Variants in SLC25A36 observed in about 807,000 individuals in gnomAD.
The protein encoded by SLC25A36 is solute carrier family 25 member 36.
SLC25A36 carries 24 observed loss-of-function variants against 35.3 expected under a neutral mutation model. The ratio of observed to expected loss-of-function variants is 0.68; its 90% CI spans 0.49 to 0.96. The LOEUF is 0.96. Among genes scored for constraint, SLC25A36 ranks in the 40% least tolerant of loss-of-function variants. SLC25A36 has a pLI of 0.00. For missense variants in SLC25A36, 294 were observed against 381.1 expected, an observed-to-expected ratio of 0.77 and a Z score of 1.90; for synonymous variants, 141 against 132.2, an observed-to-expected ratio of 1.07 and a Z score of -0.46.
chr3:140,946,613 A>G (rs1026421305), intron 1 of SLC25A36, among the ~76,000 whole-genome samples: 1 of 152,204 alleles, frequency 6.6e-6, no homozygotes, highest in Non-Finnish European at 1.5e-5. Flanking sequence ...GAAGGTAAAG[A>G]TAATAAGATT....
intron 6 of SLC25A36, among the ~76,000 whole-genome samples, chr3:140,975,097 C>CATTTTTTT (rs1935004292): frequency 1.8e-5 from 1 of 55,188 alleles, no homozygotes; most frequent in Non-Finnish European, 3.5e-5. Context: ...AAGATACATT[C>CATTTTTTT]TTTTTTTTTT....
rs1935085865 is a variant in SLC25A36, at chr3:140,977,768, A to ATT, written c.*1315_*1316insTT. 6.6e-6 allele frequency: 1 copy of ATT among 152,148 alleles called. No homozygotes were observed. Among genetic ancestry groups the ATT allele is most frequent in the Non-Finnish European group, 1.5e-5 (1 of 68,022 alleles). 9.4% of individuals were successfully genotyped at this position (152,148 alleles called of 1,614,324 possible). On this transcript the variant is annotated 3_prime_UTR_variant, in exon 7 of 7. Coordinates refer to ENST00000324194, the MANE Select transcript of SLC25A36 (RefSeq NM_001104647.3). Reference sequence around the variant, plus strand: ...TCGCCTATGCCATACTGGTGTATAAAAACTGCCGCAATTGGACGCCGGTGT... The same window carrying ATT: ...TCGCCTATGCCATACTGGTGTATAAATTAACTGCCGCAATTGGACGCCGGTGT...
At chr3:140,967,708 T>C (rs1269707651) in intron 4 of SLC25A36, among the ~76,000 whole-genome samples, 1 of 151,978 alleles carries the variant, frequency 6.6e-6, no homozygotes, top group Non-Finnish European at 1.5e-5. Context: ...CACTATCAAA[T>C]GGAATCTTAC....
intron 1 of SLC25A36, among the ~76,000 whole-genome samples, chr3:140,949,659 T>G (rs1934266401): frequency 1.3e-5 from 2 of 152,182 alleles, no homozygotes; most frequent in South Asian, 4.1e-4. Context: ...TTAACAGTGT[T>G]GTTAGATTCG....
At position 140,941,947 on chromosome 3, in the gene SLC25A36, C is replaced by A. The variant is rs1197396672; in HGVS notation, c.-108C>A. 5 of 627,132 alleles carry A rather than the reference C, an allele frequency of 8.0e-6. No individual in the cohort carries two copies. The highest frequency in any genetic ancestry group is 1.9e-5 in the African/African-American group (1 of 51,348). The allele number at this position is 627,132 out of a possible 1,614,324, so 38.8% of individuals were successfully genotyped here. Reference sequence around the variant, plus strand: ...CCGCATCTCGGCCAGCTCTCCTCGCCGTCCCCGGGGCGCTGTGCGTCTCCA... The same window carrying A: ...CCGCATCTCGGCCAGCTCTCCTCGCAGTCCCCGGGGCGCTGTGCGTCTCCA... On this transcript the variant is annotated 5_prime_UTR_variant, in exon 1 of 7. Transcript: ENST00000324194.
chr3:140,961,190 GA>G (rs144574269), intron 3 of SLC25A36, among the ~76,000 whole-genome samples: 11,363 of 150,964 alleles, frequency 0.075, 537 homozygotes, highest in East Asian at 0.17. Flanking sequence ...CAAGTTAAAA[GA>G]AAAAAAACAC....
Position 140,975,097 on chromosome 3 carries a change from C to CTTTTTTTTTTTTTTTTT in SLC25A36, c.742+1106_742+1122dup, listed in dbSNP as rs10662120. ...GTACAGTTGATAAACAAGATACATT[C>CTTTTTTTTTTTTTTTTT]TTTTTTTTTTTTTTTTTTTTTTTTT... On this transcript the variant is annotated intron_variant, in intron 6 of 6. Coordinates refer to ENST00000324194, the MANE Select transcript of SLC25A36 (RefSeq NM_001104647.3). 8.3e-4 allele frequency among the ~76,000 whole-genome samples: 46 copies of CTTTTTTTTTTTTTTTTT among 55,218 alleles called. 17 individuals are homozygous for CTTTTTTTTTTTTTTTTT. Among genetic ancestry groups the CTTTTTTTTTTTTTTTTT allele is most frequent in the South Asian group, 2.3e-3 (2 of 880 alleles). 36.2% of individuals were successfully genotyped at this position (55,218 alleles called of 152,430 possible).
At chr3:140,976,015 C>T in intron 6 of SLC25A36, among the ~76,000 whole-genome samples, 1 of 152,118 alleles carries the variant, frequency 6.6e-6, no homozygotes, top group East Asian at 1.9e-4. Context: ...TGATACTTCT[C>T]TCTTGTTATA....
chr3:140,946,102 C>A (rs1934156606), intron 1 of SLC25A36, among the ~76,000 whole-genome samples: 1 of 152,050 alleles, frequency 6.6e-6, no homozygotes, highest in African/African-American at 2.4e-5. Flanking sequence ...TGAAGAATAT[C>A]GACAACCGGA....
chr3:140,959,563 T>G, intron 3 of SLC25A36, 23 bp downstream of exon 3: 1 of 1,197,078 alleles, frequency 8.4e-7, no homozygotes, highest in South Asian at 1.8e-5. Flanking sequence ...AAAAATTGTT[T>G]AAAGCAAGTT....
chr3:140,963,689 T>C lies in SLC25A36; in HGVS notation c.385+462T>C, dbSNP rs1934689399. 1.9e-5 allele frequency: 3 copies of C among 154,732 alleles called. No individual in the cohort carries two copies. The South Asian group carries it at 6.0e-4, about 31-fold the overall frequency. 9.6% of individuals were successfully genotyped at this position (154,732 alleles called of 1,614,324 possible). Reference sequence around the variant, plus strand: ...CAAATGCTGAAATTTTTGTGAGTGATGTATTATTATTGACAATTCAGTTAC... The same window carrying C: ...CAAATGCTGAAATTTTTGTGAGTGACGTATTATTATTGACAATTCAGTTAC... On this transcript the variant is annotated intron_variant, in intron 4 of 6. Transcript: ENST00000324194.
rs944973831 is a variant in SLC25A36 at position 140,979,193 on chromosome 3, A to G, written c.*2740A>G. ...GAATTTGTAACTTTGAAGTCAGGAT[A>G]GAATATCATTAGATTATCTGTGAGA... On this transcript the variant is annotated 3_prime_UTR_variant, in exon 7 of 7. Transcript: ENST00000324194. The G allele has an allele frequency of 6.6e-6, 1 of 152,222 alleles. No homozygotes were observed. Among genetic ancestry groups the G allele is most frequent in the Non-Finnish European group, 1.5e-5 (1 of 68,026 alleles). The allele number at this position is 152,222 out of a possible 1,614,324, so 9.4% of individuals were successfully genotyped here. A position where few individuals can be genotyped will look rare whatever the true frequency, so the allele number is the denominator to read the frequency against.
chr3:140,947,497 G>A (rs567806094), intron 1 of SLC25A36, among the ~76,000 whole-genome samples: 4 of 151,890 alleles, frequency 2.6e-5, no homozygotes, highest in Admixed American at 2.6e-4. Flanking sequence ...TTTAGTTTTT[G>A]TTTGTTTAAA....
intron 4 of SLC25A36, chr3:140,965,036 C>T (rs140835315): frequency 6.6e-6 from 1 of 151,974 alleles, no homozygotes; most frequent in Non-Finnish European, 1.5e-5. Context: ...CATACTTGTT[C>T]AGAGGTTATT....
rs1025928720 is a variant in SLC25A36 at position 140,970,656 on chromosome 3, C to T, written c.386-271C>T. ...AATTCAGCTTAGACAGTAGAGAGCACCCTAAAGGATATTCTAAGTAGGTTG... is the reference window on the plus strand; with the variant it reads ...AATTCAGCTTAGACAGTAGAGAGCATCCTAAAGGATATTCTAAGTAGGTTG... On this transcript the variant is annotated intron_variant, in intron 4 of 6. Coordinates refer to ENST00000324194, the MANE Select transcript of SLC25A36 (RefSeq NM_001104647.3). 1.2e-5 allele frequency: 3 copies of T among 248,964 alleles called. No individual in the cohort carries two copies. In the South Asian group the frequency reaches 1.9e-4, roughly 15 times the overall value. 15.4% of individuals were successfully genotyped at this position (248,964 alleles called of 1,614,324 possible).
At chr3:140,960,838 C>T (rs561917416) in intron 3 of SLC25A36, among the ~76,000 whole-genome samples, 1 of 152,214 alleles carries the variant, frequency 6.6e-6, no homozygotes, top group Middle Eastern at 3.4e-3. Context: ...AAAGGAACAA[C>T]CAAAGGAACT....
At position 140,942,041 on chromosome 3, in the gene SLC25A36, A is replaced by G. The variant is rs1197411510; in HGVS notation, c.-14A>G. 7.0e-7 allele frequency: 1 copy of G among 1,435,710 alleles called. No homozygotes were observed. Among genetic ancestry groups the G allele is most frequent in the Admixed American group, 2.0e-5 (1 of 48,802 alleles). The allele number at this position is 1,435,710 out of a possible 1,614,324, so 88.9% of individuals were successfully genotyped here. On this transcript the variant is annotated 5_prime_UTR_variant, in exon 1 of 7. It removes an upstream start codon present in the reference 5' UTR. Coordinates refer to ENST00000324194, the MANE Select transcript of SLC25A36 (RefSeq NM_001104647.3). ...CGTCCCGCCTCAGCGGCCGGAGGACATGCGGGAGAGAGAATGAGCCAGAGG... is the reference window on the plus strand; with the variant it reads ...CGTCCCGCCTCAGCGGCCGGAGGACGTGCGGGAGAGAGAATGAGCCAGAGG...
At chr3:140,942,336 C>T in intron 1 of SLC25A36, 1 of 400,920 alleles carries the variant, frequency 2.5e-6, no homozygotes, top group Non-Finnish European at 4.5e-6. Context: ...GAGTGAGGCC[C>T]GGGCAAAGAG....
rs570931690 is a variant in SLC25A36, at chr3:140,941,953, C to G, written c.-102C>G. The G allele has an allele frequency of 1.9e-4, 123 of 651,942 alleles. No individual in the cohort carries two copies. In the South Asian group the frequency reaches 2.3e-3, roughly 12 times the overall value. The allele number at this position is 651,942 out of a possible 1,614,324, so 40.4% of individuals were successfully genotyped here. A position where few individuals can be genotyped will look rare whatever the true frequency, so the allele number is the denominator to read the frequency against. On this transcript the variant is annotated 5_prime_UTR_variant, in exon 1 of 7. Coordinates refer to ENST00000324194, the MANE Select transcript of SLC25A36 (RefSeq NM_001104647.3). ...CTCGGCCAGCTCTCCTCGCCGTCCC[C>G]GGGGCGCTGTGCGTCTCCAGTCCGG...
Sources: allele counts gnomAD v4.1 joint callset (sites outside exome capture counted in the v4.1 genomes callset), GRCh38; gene constraint gnomAD v4.1.1; transcripts MANE v1.5; gene names NCBI Gene and HGNC (gene_info 2026-07-23, HGNC 2026-07-21).